The following NKAP variants were observed in gnomAD, a reference collection of about 807,000 sequenced individuals.
NKAP encodes the protein NFKB activating protein, also known as NF-kappa-B-activating protein.
Under a neutral mutation model 35.6 loss-of-function variants are expected in NKAP, and 4 were observed. The observed-to-expected ratio is 0.11, with a 90% CI of 0.06 to 0.26. The LOEUF (loss-of-function observed/expected upper bound fraction) is 0.26, where lower values mean the gene tolerates loss of function less well. NKAP is among the 10% of genes least tolerant of loss of function. NKAP has a pLI of 1.00. For synonymous variants in NKAP, 106 were observed against 119.2 expected, an observed-to-expected ratio of 0.89 and a Z score of 0.72; for missense variants, 238 against 321.9, an observed-to-expected ratio of 0.74 and a Z score of 1.99.
At chrX:119,940,061 C>T (rs1342624873) in intron 1 of NKAP, among the ~76,000 whole-genome samples, 2 of 108,128 alleles carry the variant, frequency 1.8e-5, no homozygotes, top group Non-Finnish European at 3.8e-5. Flanking sequence ...TGGGGCTGGG[C>T]GTGGTGGCTC....
At chrX:119,933,873 G>A (rs1282731170) in intron 5 of NKAP, among the ~76,000 whole-genome samples, 3 of 110,296 alleles carry the variant, frequency 2.7e-5, no homozygotes, top group African/African-American at 9.9e-5. Context: ...CCCGGGAGGC[G>A]GAGCTTGCAG....
At chrX:119,925,557 G>A (rs1331332789) in intron 8 of NKAP, among the ~76,000 whole-genome samples, 163 bp from the exon 9 acceptor site, 4 of 110,760 alleles carry the variant, frequency 3.6e-5, no homozygotes, top group African/African-American at 9.8e-5. Flanking sequence ...TGCCTGACAC[G>A]TCCTTTTTTT....
At chrX:119,941,575 T>C (rs921432657) in intron 1 of NKAP, among the ~76,000 whole-genome samples, 1 of 112,072 alleles carries the variant, frequency 8.9e-6, no homozygotes, top group Non-Finnish European at 1.9e-5. Flanking sequence ...TCAGTCTGAT[T>C]CTGGAGTTTG....
intron 2 of NKAP, chrX:119,937,122 T>C (rs925450045): frequency 1.8e-5 from 2 of 112,386 alleles, no homozygotes; most frequent in African/African-American, 6.5e-5. Flanking sequence ...AAAAGACAAA[T>C]GGTAAAGCAG....
At chrX:119,928,840 C>T (rs2056727680) in intron 8 of NKAP, among the ~76,000 whole-genome samples, 2 of 111,685 alleles carry the variant, frequency 1.8e-5, no homozygotes, top group Non-Finnish European at 3.8e-5. Flanking sequence ...GGATTACAGG[C>T]GTGAGCCACC....
In NKAP at chrX:119,925,445, T is replaced by A. The variant is rs747771282; in HGVS notation, c.1074-51A>T. On this transcript the variant is annotated intron_variant, in intron 8 of 8. Coordinates refer to ENST00000371410, the MANE Select transcript of NKAP (RefSeq NM_024528.4). ...AATTTCTCAGTAATTATTTTCATAG[T>A]ACATCATCATTAATCCTTTCTTACC... The A allele has an allele frequency of 6.2e-6, 7 of 1,120,099 alleles. No individual in the cohort carries two copies. The Admixed American group carries it at 2.0e-4, about 31-fold the overall frequency. The allele number at this position is 1,120,099 out of a possible 1,213,427, so 92.3% of individuals were successfully genotyped here.
At chrX:119,936,889 G>T (rs1410664044) in intron 2 of NKAP, 10 of 358,980 alleles carry the variant, frequency 2.8e-5, no homozygotes, top group Non-Finnish European at 4.7e-5. Context: ...TTTCATAAAC[G>T]TGCAGTTCAA....
rs1258527217 is a variant in NKAP at position 119,924,710 on chromosome X, A to G, written c.*510T>C. The G allele has an allele frequency of 2.5e-5, 2 of 80,525 alleles. No individual in the cohort carries two copies. The highest frequency in any genetic ancestry group is 4.7e-5 in the Non-Finnish European group (2 of 42,679). 6.6% of individuals were successfully genotyped at this position (80,525 alleles called of 1,213,427 possible). ...CTGGCCTTTTATTTTTTTCTGAGAC[A>G]CAGTCTTGCTTTGTCGCCCAGGCTG... On this transcript the variant is annotated 3_prime_UTR_variant, in exon 9 of 9. Transcript: ENST00000371410.
Position 119,925,282 on chromosome X carries a change from T to C in NKAP, c.1186A>G (p.Lys396Glu). Residue 396 changes from lysine to glutamate, a missense_variant, in exon 9 of 9, where the codon AAG becomes GAG. Around this residue, in one of 5 missense-constraint regions of NKAP, gnomAD observed 12 missense variants for 20.6 expected, o/e 0.58. Coordinates refer to ENST00000371410, the MANE Select transcript of NKAP (RefSeq NM_024528.4). ...NQEERRKREN[K>E]ILASFREMVY... ...ATTTCTCGAAAACTGGCCAGAATCT[T>C]GTTCTCTCTCTTTCGTCTCTCTTCT... 8.3e-7 allele frequency: 1 copy of C among 1,211,535 alleles called. No homozygotes were observed. The highest frequency in any genetic ancestry group is 1.1e-6 in the Non-Finnish European group (1 of 895,417).
chrX:119,940,100 C>T (rs1483347527), intron 1 of NKAP, among the ~76,000 whole-genome samples: 12 of 110,122 alleles, frequency 1.1e-4, no homozygotes, highest in African/African-American at 3.9e-4. Flanking sequence ...CTTTGGGAGG[C>T]CGAGGCAGGT....
chrX:119,941,762 A>G (rs1408019501), intron 1 of NKAP, among the ~76,000 whole-genome samples: 2 of 111,425 alleles, frequency 1.8e-5, no homozygotes, highest in African/African-American at 6.5e-5. Flanking sequence ...AGTACCTGAA[A>G]TTACAAGCAC....
intron 5 of NKAP, chrX:119,932,459 A>C (rs1303756345): frequency 1.3e-5 from 3 of 230,325 alleles, no homozygotes; most frequent in Non-Finnish European, 2.3e-5. Flanking sequence ...CTCTATTAAA[A>C]AAAAAAAAAA....
In NKAP at chrX:119,936,383, C is replaced by A. The variant is rs2056766360; in HGVS notation, c.587G>T (p.Arg196Met). The part of the protein sequence containing the change: ...SSRSKERSKK[R>M]RKKKSSKRKH... ...TCTTTTCGATGATTTTTTCTTTCTC[C>A]TTTTCTTGGACCTTTCTTTTGAACG... The change falls in exon 4 of 9, where the codon AGG becomes ATG. Residue 196 changes from arginine (R) to methionine (M), a missense_variant. By Grantham distance (91) the Arg-to-Met change is moderately conservative. Around this residue, in one of 5 missense-constraint regions of NKAP, gnomAD observed 89 missense variants for 91.7 expected, o/e 0.97. Transcript: ENST00000371410. 8.4e-7 allele frequency: 1 copy of A among 1,190,195 alleles called. No individual in the cohort carries two copies. Among genetic ancestry groups the A allele is most frequent in the Admixed American group, 2.3e-5 (1 of 42,886 alleles).
At chrX:119,942,368 G>A (rs927990314) in intron 1 of NKAP, among the ~76,000 whole-genome samples, 1 of 111,491 alleles carries the variant, frequency 9.0e-6, no homozygotes, top group Non-Finnish European at 1.9e-5. Flanking sequence ...CAGCTATGAG[G>A]GAGGCTGAGG....
At chrX:119,933,716 G>A (rs986826740) in intron 5 of NKAP, among the ~76,000 whole-genome samples, 1 of 110,456 alleles carries the variant, frequency 9.1e-6, no homozygotes. Flanking sequence ...ACAGGATCTC[G>A]CTATGTTGCC....
At chrX:119,928,859 C>G (rs2056727859) in intron 8 of NKAP, among the ~76,000 whole-genome samples, 1 of 111,068 alleles carries the variant, frequency 9.0e-6, no homozygotes, top group Non-Finnish European at 1.9e-5. Flanking sequence ...CCACGCCTGG[C>G]TAAAAAATGA....
chrX:119,928,670 C>T (rs1337272130), intron 8 of NKAP, among the ~76,000 whole-genome samples: 1 of 111,606 alleles, frequency 9.0e-6, no homozygotes. Flanking sequence ...AGGTGATTCT[C>T]CTGCCTCAGC....
chrX:119,930,845 A>C (rs113896799), intron 7 of NKAP, among the ~76,000 whole-genome samples: 22,075 of 106,075 alleles, frequency 0.21, 2,224 homozygotes, highest in Middle Eastern at 0.32. Context: ...AAAACAAAAA[A>C]AAAAAACAAA....
At chrX:119,934,585 G>C (rs1694807751) in intron 4 of NKAP, 28 bp from the exon 5 acceptor site, 1 of 1,080,272 alleles carries the variant, frequency 9.3e-7, no homozygotes, top group Non-Finnish European at 1.2e-6. Context: ...TTACAATTAA[G>C]AAAAAAATTT....
Sources: gnomAD v4.1 joint callset for allele counts (sites outside exome capture counted in the v4.1 genomes callset) on GRCh38, gnomAD v4.1.1 for gene constraint, gnomAD v4.1.1 regional missense constraint, MANE v1.5 for transcripts, NCBI Gene and HGNC (gene_info 2026-07-23, HGNC 2026-07-21) for gene names.